The following ERBB4 variants were observed in gnomAD, a reference collection of about 807,000 sequenced individuals.
ERBB4 encodes the protein erb-b2 receptor tyrosine kinase 4, also known as receptor tyrosine-protein kinase erbB-4.
A neutral mutation model predicts 158.0 loss-of-function variants in ERBB4; 42 were observed. The observed-to-expected ratio is 0.27, with a 90% CI of 0.21 to 0.34. The LOEUF is 0.34. Among genes scored for constraint, ERBB4 ranks in the 10% least tolerant of loss-of-function variants. The pLI, the probability that ERBB4 is intolerant of heterozygous loss-of-function variation, is 1.00. For missense variants in ERBB4, 1,333 were observed against 1,624.1 expected (o/e 0.82, Z 3.08); for synonymous variants, 583 against 558.7 (o/e 1.04, Z -0.61).
At chr2:211,742,950 G>C (rs901851364) in intron 5 of ERBB4, among the ~76,000 whole-genome samples, 1 of 151,970 alleles carries the variant, frequency 6.6e-6, no homozygotes, top group Non-Finnish European at 1.5e-5. Context: ...TCATAAGTAA[G>C]TAAGAAGCAA....
intron 20 of ERBB4, among the ~76,000 whole-genome samples, chr2:211,473,489 T>C (rs1024472596): frequency 3.3e-5 from 5 of 152,136 alleles, no homozygotes; most frequent in African/African-American, 9.7e-5. Context: ...AATTTCTTAG[T>C]GCTCCTGTAA....
At chr2:211,665,207 T>C (rs1156979804) in intron 15 of ERBB4, 116 bp downstream of exon 15, 6 of 1,042,642 alleles carry the variant, frequency 5.8e-6, no homozygotes, top group African/African-American at 3.1e-5. Context: ...GCATTTTAAA[T>C]ATAAGGATTA....
At chr2:211,468,227 G>C (rs2064743817) in intron 20 of ERBB4, among the ~76,000 whole-genome samples, 1 of 152,114 alleles carries the variant, frequency 6.6e-6, no homozygotes, top group East Asian at 1.9e-4. Context: ...ACTACATGCA[G>C]GCAAGGATAT....
intron 1 of ERBB4, among the ~76,000 whole-genome samples, chr2:212,488,419 C>G (rs1459913449): frequency 6.6e-6 from 1 of 151,938 alleles, no homozygotes; most frequent in Non-Finnish European, 1.5e-5. Context: ...CCTCTATAGT[C>G]TGTCATCCAT....
intron 1 of ERBB4, among the ~76,000 whole-genome samples, chr2:212,188,652 T>C (rs1393805132): frequency 6.6e-6 from 1 of 152,026 alleles, no homozygotes; most frequent in Non-Finnish European, 1.5e-5. Flanking sequence ...TAGATTTGAA[T>C]TGGATTTCAT....
chr2:212,281,708 T>C (rs909532224), intron 1 of ERBB4, among the ~76,000 whole-genome samples: 1 of 151,870 alleles, frequency 6.6e-6, no homozygotes, highest in African/African-American at 2.4e-5. Flanking sequence ...ATGTGGTTCA[T>C]CAAATAACCT....
intron 3 of ERBB4, among the ~76,000 whole-genome samples, chr2:211,858,845 C>T (rs1414813393): frequency 6.6e-6 from 1 of 152,030 alleles, no homozygotes; most frequent in African/African-American, 2.4e-5. Context: ...TGCAGTGGTG[C>T]GATCTCCGCT....
rs539733703 is a variant in ERBB4, at chr2:211,923,525, G to A, written c.421+23905C>T. Reference sequence around the variant, plus strand: ...TTGCTTATACTAGGCAAGACTTAGAGCAATTCATCTTCATGAGATGGTGTT... The same window carrying A: ...TTGCTTATACTAGGCAAGACTTAGAACAATTCATCTTCATGAGATGGTGTT... On this transcript the variant is annotated intron_variant, in intron 3 of 27. Transcript: ENST00000342788. 8.5e-5 allele frequency among the ~76,000 whole-genome samples: 13 copies of A among 152,202 alleles called. 1 individual carries two copies. In the East Asian group the frequency reaches 2.3e-3, roughly 27 times the overall value.
At chr2:212,345,580 GT>G (rs1434902639) in intron 1 of ERBB4, among the ~76,000 whole-genome samples, 1 of 152,052 alleles carries the variant, frequency 6.6e-6, no homozygotes, top group Non-Finnish European at 1.5e-5. Flanking sequence ...CGGACAATAA[GT>G]TTTTATAGTT....
At chr2:212,171,560 C>T (rs1229622211) in intron 1 of ERBB4, among the ~76,000 whole-genome samples, 2 of 152,116 alleles carry the variant, frequency 1.3e-5, no homozygotes, top group Non-Finnish European at 1.5e-5. Context: ...AATTGTAATC[C>T]CCATAATCCC....
intron 4 of ERBB4, among the ~76,000 whole-genome samples, chr2:211,784,582 T>C (rs1301038255): frequency 1.3e-5 from 2 of 152,346 alleles, no homozygotes; most frequent in African/African-American, 2.4e-5. Flanking sequence ...AAATATCTCA[T>C]TGAGAACCTG....
At chr2:211,970,183 C>G (rs1387892172) in intron 2 of ERBB4, among the ~76,000 whole-genome samples, 2 of 152,168 alleles carry the variant, frequency 1.3e-5, no homozygotes, top group African/African-American at 2.4e-5. Context: ...TCAATTTCCA[C>G]ATAATTGTAT....
chr2:211,509,457 A>G (rs989172105), intron 20 of ERBB4, among the ~76,000 whole-genome samples: 4 of 152,146 alleles, frequency 2.6e-5, no homozygotes, highest in African/African-American at 9.7e-5. Context: ...AAGATGGATT[A>G]AAAATTTAAA....
At chr2:211,401,120 C>A (rs1457757301) in intron 25 of ERBB4, among the ~76,000 whole-genome samples, 2 of 151,794 alleles carry the variant, frequency 1.3e-5, no homozygotes, top group African/African-American at 2.4e-5. Flanking sequence ...TTTTTCAGTG[C>A]AGCAGTAATT....
chr2:211,895,659 C>A (rs2079079165), intron 3 of ERBB4, among the ~76,000 whole-genome samples: 1 of 152,114 alleles, frequency 6.6e-6, no homozygotes, highest in Non-Finnish European at 1.5e-5. Flanking sequence ...ATATCCAGTT[C>A]TTTAACCTTA....
At chr2:212,148,063 G>A (rs1230657734) in intron 1 of ERBB4, among the ~76,000 whole-genome samples, 1 of 151,536 alleles carries the variant, frequency 6.6e-6, no homozygotes, top group Non-Finnish European at 1.5e-5. Flanking sequence ...TGAACAATAT[G>A]TTATTAGTAA....
intron 19 of ERBB4, among the ~76,000 whole-genome samples, chr2:211,573,111 C>T (rs1364774772): frequency 6.6e-6 from 1 of 151,986 alleles, no homozygotes; most frequent in Non-Finnish European, 1.5e-5. Flanking sequence ...GGTTCTATAT[C>T]CTTATAAAAG....
intron 3 of ERBB4, among the ~76,000 whole-genome samples, chr2:211,828,176 A>G (rs1174827702): frequency 6.6e-6 from 1 of 152,184 alleles, no homozygotes; most frequent in Non-Finnish European, 1.5e-5. Flanking sequence ...TGACTTTTAT[A>G]TGTTCAGTTG....
At chr2:211,404,357 T>G (rs1446481151) in intron 25 of ERBB4, among the ~76,000 whole-genome samples, 1 of 152,084 alleles carries the variant, frequency 6.6e-6, no homozygotes, top group Non-Finnish European at 1.5e-5. Flanking sequence ...TGCCTTACTG[T>G]GGCATTTTTC....
Sources: allele counts gnomAD v4.1 joint callset (sites outside exome capture counted in the v4.1 genomes callset), GRCh38; gene constraint gnomAD v4.1.1; transcripts MANE v1.5; gene names NCBI Gene and HGNC (gene_info 2026-07-23, HGNC 2026-07-21).